TTC3: variants seen among roughly 807,000 people sequenced by gnomAD.
TTC3 encodes the protein E3 ubiquitin-protein ligase TTC3.
A neutral mutation model predicts 249.6 loss-of-function variants in TTC3; 180 were observed. The ratio of observed to expected loss-of-function variants is 0.72; its 90% confidence interval spans 0.64 to 0.82. TTC3 has a LOEUF of 0.82. TTC3 is among the 40% of genes least tolerant of loss of function. TTC3 has a pLI of 0.00. For synonymous variants in TTC3, 717 were observed against 805.0 expected (o/e 0.89, Z 1.85); for missense variants, 2,061 against 2,398.4 (o/e 0.86, Z 2.94).
At chr21:37,135,389 A>G in exon 18 of TTC3, 1 of 1,609,074 alleles carries the variant, frequency 6.2e-7, no homozygotes, top group Non-Finnish European at 8.5e-7. Context: ...GGATTTTGCT[A>G]ATATAATGAA....
intron 34 of TTC3, among the ~76,000 whole-genome samples, chr21:37,168,476 G>A (rs539085730): frequency 6.6e-6 from 1 of 151,944 alleles, no homozygotes; most frequent in Admixed American, 6.6e-5. Flanking sequence ...AAAGTATGTT[G>A]AAAGAAAATA....
At chr21:37,175,821 A>G (rs905567996) in intron 35 of TTC3, among the ~76,000 whole-genome samples, 11 of 150,882 alleles carry the variant, frequency 7.3e-5, no homozygotes, top group South Asian at 2.1e-4. Flanking sequence ...CCCAGGCTGG[A>G]GTGCAGTGGC....
chr21:37,173,194 C>T (rs2081957049), intron 35 of TTC3, among the ~76,000 whole-genome samples: 1 of 152,026 alleles, frequency 6.6e-6, no homozygotes, highest in Non-Finnish European at 1.5e-5. Flanking sequence ...AGTTCCTTAC[C>T]TGGAAAATGT....
At chr21:37,160,968 A>G in intron 30 of TTC3, 110 bp downstream of exon 30, 2 of 1,115,352 alleles carry the variant, frequency 1.8e-6, no homozygotes, top group Non-Finnish European at 2.5e-6. Flanking sequence ...ATTTGTAGAG[A>G]AAGACTTTCT....
chr21:37,093,049 A>C (rs1177216774), intron 7 of TTC3, among the ~76,000 whole-genome samples: 3 of 152,176 alleles, frequency 2.0e-5, no homozygotes, highest in African/African-American at 7.2e-5. Context: ...AAATACCCCA[A>C]AATTTGAAAC....
At chr21:37,086,793 T>C (rs1354505420) in intron 1 of TTC3, 1 of 161,284 alleles carries the variant, frequency 6.2e-6, no homozygotes, top group Non-Finnish European at 1.4e-5. Flanking sequence ...GGCCAGGAGA[T>C]TGAGAATATA....
chr21:37,109,814 T>A (rs1265152475), intron 11 of TTC3, among the ~76,000 whole-genome samples: 1 of 152,114 alleles, frequency 6.6e-6, no homozygotes, highest in Non-Finnish European at 1.5e-5. Context: ...CACCCCCCAG[T>A]AGGGGCGGAC....
intron 41 of TTC3, among the ~76,000 whole-genome samples, chr21:37,192,855 A>T (rs2084355384): frequency 6.6e-6 from 1 of 152,216 alleles, no homozygotes; most frequent in Non-Finnish European, 1.5e-5. Flanking sequence ...AAAAGCATTA[A>T]TTGCATTTTG....
chr21:37,143,481 C>G (rs2032646689), intron 20 of TTC3, among the ~76,000 whole-genome samples: 1 of 152,026 alleles, frequency 6.6e-6, no homozygotes, highest in Admixed American at 6.5e-5. Flanking sequence ...AGCCAACAGA[C>G]ACATGAAAAA....
chr21:37,121,249 C>T (rs2076556043), intron 11 of TTC3: 1 of 152,220 alleles, frequency 6.6e-6, no homozygotes, highest in South Asian at 2.1e-4. Context: ...AGGAGCTGCA[C>T]TTAGAGATAA....
chr21:37,143,045 G>A (rs1461162091), intron 20 of TTC3, among the ~76,000 whole-genome samples: 1 of 152,230 alleles, frequency 6.6e-6, no homozygotes, highest in Non-Finnish European at 1.5e-5. Context: ...CTAGCCATAT[G>A]TAGAAAGCTG....
chr21:37,199,998 C>G (rs112557769), intron 44 of TTC3, among the ~76,000 whole-genome samples: 10 of 152,210 alleles, frequency 6.6e-5, no homozygotes, highest in African/African-American at 2.4e-4. Context: ...TCACATAAAA[C>G]AGTTTTTTCT....
chr21:37,122,900 TTAAAG>T, intron 12 of TTC3, 78 bp from the exon 13 acceptor site: 1 of 1,356,940 alleles, frequency 7.4e-7, no homozygotes, highest in South Asian at 1.2e-5. Flanking sequence ...TACTATCAGC[TTAAAG>T]TAAATTTGAA....
intron 42 of TTC3, among the ~76,000 whole-genome samples, chr21:37,196,635 C>T (rs1445842650): frequency 6.6e-6 from 1 of 152,108 alleles, no homozygotes; most frequent in African/African-American, 2.4e-5. Flanking sequence ...TTTGATGAGA[C>T]CAATAGCACT....
chr21:37,079,596 G>A (rs1033354583), intron 1 of TTC3, among the ~76,000 whole-genome samples: 63 of 138,386 alleles, frequency 4.6e-4, no homozygotes, highest in African/African-American at 1.7e-3. Context: ...TAGTGCAGTG[G>A]TGCCATCTCA....
chr21:37,146,217 A>G (rs1241090368), intron 21 of TTC3, among the ~76,000 whole-genome samples: 2 of 152,304 alleles, frequency 1.3e-5, no homozygotes, highest in African/African-American at 4.8e-5. Context: ...AGCCTGGGCA[A>G]CAGAGTGAGA....
intron 10 of TTC3, chr21:37,098,564 G>A (rs1203315286): frequency 6.6e-6 from 1 of 152,190 alleles, no homozygotes; most frequent in East Asian, 1.9e-4. Flanking sequence ...TTTCACTAAA[G>A]CCAGGTCAGC....
intron 1 of TTC3, among the ~76,000 whole-genome samples, chr21:37,074,971 T>C (rs1281116369): frequency 6.6e-6 from 1 of 151,570 alleles, no homozygotes; most frequent in Non-Finnish European, 1.5e-5. Flanking sequence ...TCAGATACTC[T>C]TTTTTTTTAA....
intron 20 of TTC3, among the ~76,000 whole-genome samples, chr21:37,142,037 G>A (rs1228185040): frequency 1.6e-4 from 25 of 152,180 alleles, no homozygotes; most frequent in Admixed American, 4.6e-4. Flanking sequence ...GAAGGCCTTT[G>A]ACAAAATTCA....
Sources: allele counts gnomAD v4.1 joint callset (sites outside exome capture counted in the v4.1 genomes callset), GRCh38; gene constraint gnomAD v4.1.1; transcripts MANE v1.5; gene names NCBI Gene and HGNC (gene_info 2026-07-23, HGNC 2026-07-21).